The following MAP3K13 variants were observed in gnomAD, a reference collection of about 807,000 sequenced individuals.
The protein encoded by MAP3K13 is mitogen-activated protein kinase kinase kinase 13.
A neutral mutation model predicts 104.0 loss-of-function variants in MAP3K13; 52 were observed. The ratio of observed to expected loss-of-function variants is 0.50; its 90% confidence interval spans 0.40 to 0.63. The LOEUF (loss-of-function observed/expected upper bound fraction) is 0.63, where lower values mean the gene tolerates loss of function less well. Among genes scored for constraint, MAP3K13 ranks in the 20% least tolerant of loss-of-function variants. The probability of loss-of-function intolerance (pLI) is 0.00; values close to 1 mark genes in which losing one functional copy is unlikely to be tolerated. For synonymous variants in MAP3K13, 394 were observed against 442.2 expected (o/e 0.89, Z 1.37); for missense variants, 914 against 1,218.5 (o/e 0.75, Z 3.72).
intron 1 of MAP3K13, among the ~76,000 whole-genome samples, chr3:185,422,361 C>A (rs527859662): frequency 1.3e-5 from 2 of 152,190 alleles, no homozygotes; most frequent in Non-Finnish European, 2.9e-5. Context: ...AAATTTGATT[C>A]TCATATGTGA....
chr3:185,433,038 C>CATTT (rs1183424245), intron 2 of MAP3K13, among the ~76,000 whole-genome samples: 1 of 152,228 alleles, frequency 6.6e-6, no homozygotes, highest in East Asian at 1.9e-4. Context: ...TGTGTCCCTA[C>CATTT]ATTTGGTACT....
intron 1 of MAP3K13, among the ~76,000 whole-genome samples, chr3:185,419,584 AATT>A (rs1297122400): frequency 2.6e-5 from 4 of 152,206 alleles, no homozygotes; most frequent in Non-Finnish European, 5.9e-5. Flanking sequence ...ATGCTTACTT[AATT>A]ATACACATTT....
chr3:185,302,530 C>G (rs1721145076), intron 2 of MAP3K13, among the ~76,000 whole-genome samples: 1 of 152,150 alleles, frequency 6.6e-6, no homozygotes. Context: ...TTATAGTTTT[C>G]AATGTACAAG....
At chr3:185,314,229 G>C (rs1721595834) in intron 2 of MAP3K13, among the ~76,000 whole-genome samples, 1 of 152,124 alleles carries the variant, frequency 6.6e-6, no homozygotes, top group Non-Finnish European at 1.5e-5. Context: ...TCCCTTGTAA[G>C]ACATGGAATA....
At chr3:185,326,814 A>T (rs779150375) in intron 2 of MAP3K13, among the ~76,000 whole-genome samples, 15 of 152,208 alleles carry the variant, frequency 9.9e-5, no homozygotes, top group African/African-American at 3.1e-4. Context: ...TGCTTTAAAA[A>T]TTTGAAATAA....
intron 10 of MAP3K13, among the ~76,000 whole-genome samples, chr3:185,469,708 T>C (rs957466381): frequency 1.3e-5 from 2 of 152,216 alleles, no homozygotes; most frequent in Non-Finnish European, 2.9e-5. Context: ...GGCCTCACTT[T>C]AGCATCATCT....
chr3:185,427,185 T>C lies in MAP3K13; in HGVS notation c.-85-1312T>C, dbSNP rs2108800705. ...CTGGCCAACATAGTGAAATCCCGTCTCTACTAAAAATACAAAAAAAAAAAA... is the reference window on the plus strand; with the variant it reads ...CTGGCCAACATAGTGAAATCCCGTCCCTACTAAAAATACAAAAAAAAAAAA... On this transcript the variant is annotated intron_variant, in intron 1 of 13. Coordinates refer to ENST00000265026, the MANE Select transcript of MAP3K13 (RefSeq NM_004721.5). 1.4e-5 allele frequency among the ~76,000 whole-genome samples: 2 copies of C among 146,278 alleles called. 1 individual carries two copies. The highest frequency in any genetic ancestry group is 4.1e-4 in the East Asian group (2 of 4,892).
chr3:185,455,491 T>TATATATGAGATATATATG (rs1219936558), intron 7 of MAP3K13, among the ~76,000 whole-genome samples: 4 of 51,034 alleles, frequency 7.8e-5, no homozygotes, highest in African/African-American at 2.4e-4. Context: ...ATATATGAGA[T>TATATATGAGATATATATG]ATATACATGA....
chr3:185,435,274 G>A (rs1360297997), intron 2 of MAP3K13, among the ~76,000 whole-genome samples: 1 of 151,632 alleles, frequency 6.6e-6, no homozygotes, highest in African/African-American at 2.4e-5. Context: ...GCCTCCCAAA[G>A]TGCTGGGATT....
At chr3:185,295,918 AG>A (rs970942269) in intron 2 of MAP3K13, among the ~76,000 whole-genome samples, 12 of 152,084 alleles carry the variant, frequency 7.9e-5, no homozygotes, top group African/African-American at 2.9e-4. Context: ...CAGTACTGTA[AG>A]TTCTGGGTTG....
chr3:185,337,059 C>A (rs1482985098), intron 2 of MAP3K13, among the ~76,000 whole-genome samples: 5 of 151,792 alleles, frequency 3.3e-5, no homozygotes, highest in Admixed American at 1.3e-4. Flanking sequence ...AAGACTAAAT[C>A]TTTTTTAAAA....
chr3:185,317,515 A>G (rs576325563), intron 2 of MAP3K13, among the ~76,000 whole-genome samples: 1 of 152,224 alleles, frequency 6.6e-6, no homozygotes, highest in Non-Finnish European at 1.5e-5. Flanking sequence ...GCTTTATATT[A>G]TCTAGACTTT....
chr3:185,442,542 T>C (rs1015082730), intron 3 of MAP3K13, among the ~76,000 whole-genome samples: 3 of 151,600 alleles, frequency 2.0e-5, no homozygotes, highest in Non-Finnish European at 4.4e-5. Context: ...TTTTTCTTTT[T>C]TTTTTTTCTG....
At chr3:185,346,523 A>T (rs1232616693) in intron 2 of MAP3K13, among the ~76,000 whole-genome samples, 1 of 152,182 alleles carries the variant, frequency 6.6e-6, no homozygotes, top group Non-Finnish European at 1.5e-5. Flanking sequence ...GTTCTATTGA[A>T]TAGTTTTATC....
chr3:185,368,332 T>G (rs1445905388), intron 1 of MAP3K13, among the ~76,000 whole-genome samples: 1 of 152,214 alleles, frequency 6.6e-6, no homozygotes, highest in Non-Finnish European at 1.5e-5. Flanking sequence ...TTCTGTTCTC[T>G]TTCTTCTGTT....
At chr3:185,390,590 T>G (rs1224169493) in intron 1 of MAP3K13, among the ~76,000 whole-genome samples, 2 of 151,988 alleles carry the variant, frequency 1.3e-5, no homozygotes, top group African/African-American at 4.8e-5. Flanking sequence ...CTTTATCTCC[T>G]AAGTTTCTTT....
chr3:185,375,384 A>G (rs771015768), intron 1 of MAP3K13, among the ~76,000 whole-genome samples: 51 of 152,142 alleles, frequency 3.4e-4, no homozygotes, highest in Non-Finnish European at 6.2e-4. Context: ...AGAATAGCAG[A>G]TGGAACACTG....
At chr3:185,459,782 G>A (rs1716991063) in intron 7 of MAP3K13, among the ~76,000 whole-genome samples, 1 of 152,028 alleles carries the variant, frequency 6.6e-6, no homozygotes, top group Admixed American at 6.6e-5. Context: ...ATGACTCAGT[G>A]GCATTAATTA....
At chr3:185,436,437 C>T (rs142165976) in intron 2 of MAP3K13, among the ~76,000 whole-genome samples, 340 of 152,272 alleles carry the variant, frequency 2.2e-3, no homozygotes, top group African/African-American at 7.6e-3. Context: ...AAGCACTCTT[C>T]GTAAAATTGG....
Sources: gnomAD v4.1 joint callset for allele counts (sites outside exome capture counted in the v4.1 genomes callset) on GRCh38, gnomAD v4.1.1 for gene constraint, MANE v1.5 for transcripts, NCBI Gene and HGNC (gene_info 2026-07-23, HGNC 2026-07-21) for gene names.